The following OTUD7A variants were observed in gnomAD, a reference collection of about 807,000 sequenced individuals.
The protein encoded by OTUD7A is OTU deubiquitinase 7A.
OTUD7A carries 12 observed loss-of-function variants against 65.7 expected under a neutral mutation model. That is an observed-to-expected ratio of 0.18 (90% CI 0.12 to 0.30). The LOEUF (loss-of-function observed/expected upper bound fraction) is 0.30, where lower values mean the gene tolerates loss of function less well. Ranked by LOEUF, OTUD7A falls within the 10% of genes least tolerant of loss-of-function variation. OTUD7A has a pLI of 1.00. For missense variants in OTUD7A, 1,148 were observed against 1,304.8 expected (o/e 0.88, Z 1.85); for synonymous variants, 641 against 586.3 (o/e 1.09, Z -1.35).
intron 3 of OTUD7A, among the ~76,000 whole-genome samples, chr15:31,616,234 T>C (rs1476316277): frequency 6.6e-6 from 1 of 152,156 alleles, no homozygotes; most frequent in African/African-American, 2.4e-5. Context: ...TCCTTTGCTG[T>C]CTATGTAAGT....
chr15:31,813,360 G>A (rs1896469614), intron 1 of OTUD7A, among the ~76,000 whole-genome samples: 2 of 152,210 alleles, frequency 1.3e-5, no homozygotes, highest in Admixed American at 6.5e-5. Flanking sequence ...AGAAAAGGAA[G>A]TAATTATGTA....
chr15:31,785,595 C>T (rs976503615), intron 1 of OTUD7A, among the ~76,000 whole-genome samples: 1 of 152,076 alleles, frequency 6.6e-6, no homozygotes, highest in Non-Finnish European at 1.5e-5. Flanking sequence ...GATGGCAGTG[C>T]CCCCCAAAAC....
intron 1 of OTUD7A, among the ~76,000 whole-genome samples, chr15:31,731,882 TA>T (rs1375465175): frequency 6.6e-6 from 1 of 151,908 alleles, no homozygotes; most frequent in African/African-American, 2.4e-5. Context: ...TAAAGTGTAT[TA>T]AAAAAAGGGT....
At chr15:31,682,504 A>G (rs1353010891) in intron 1 of OTUD7A, among the ~76,000 whole-genome samples, 4 of 152,240 alleles carry the variant, frequency 2.6e-5, no homozygotes, top group Non-Finnish European at 5.9e-5. Flanking sequence ...CCTGTGGCCA[A>G]GACAGTATAG....
At chr15:31,497,911 C>A (rs984856177) in intron 10 of OTUD7A, among the ~76,000 whole-genome samples, 1 of 152,218 alleles carries the variant, frequency 6.6e-6, no homozygotes, top group African/African-American at 2.4e-5. Context: ...TAGAACAGCC[C>A]TTGAGCACAG....
intron 1 of OTUD7A, among the ~76,000 whole-genome samples, chr15:31,709,925 G>T (rs1595719300): frequency 6.6e-6 from 1 of 150,986 alleles, no homozygotes; most frequent in South Asian, 2.1e-4. Context: ...GGAATATATG[G>T]TCTAAGTCCT....
intron 1 of OTUD7A, among the ~76,000 whole-genome samples, chr15:31,814,555 G>C (rs1020683946): frequency 2.7e-5 from 4 of 149,756 alleles, no homozygotes; most frequent in African/African-American, 9.9e-5. Flanking sequence ...ACAGAGTCTC[G>C]CTTTGTTGCC....
intron 1 of OTUD7A, among the ~76,000 whole-genome samples, chr15:31,669,330 C>T (rs922912660): frequency 6.6e-6 from 1 of 152,274 alleles, no homozygotes; most frequent in East Asian, 1.9e-4. Flanking sequence ...GCTGAGGCTG[C>T]TGTGGGGGAT....
intron 1 of OTUD7A, among the ~76,000 whole-genome samples, chr15:31,697,866 C>T (rs1893120417): frequency 6.6e-6 from 1 of 152,200 alleles, no homozygotes; most frequent in South Asian, 2.1e-4. Flanking sequence ...GAGATGTGAA[C>T]AATGCTTTAT....
intron 1 of OTUD7A, among the ~76,000 whole-genome samples, chr15:31,790,331 T>C (rs1270348962): frequency 2.0e-5 from 3 of 152,216 alleles, no homozygotes; most frequent in Admixed American, 1.3e-4. Context: ...CTGATGCTGA[T>C]GCTGCAGGCC....
intron 1 of OTUD7A, among the ~76,000 whole-genome samples, chr15:31,799,671 C>A (rs1398225629): frequency 6.6e-6 from 1 of 152,214 alleles, no homozygotes; most frequent in African/African-American, 2.4e-5. Context: ...TTCCCAGCTT[C>A]CAGAACTGAC....
chr15:31,869,626 A>G (rs1305661767), intron 1 of OTUD7A, among the ~76,000 whole-genome samples: 1 of 152,056 alleles, frequency 6.6e-6, no homozygotes. Context: ...CCCTTCAGCT[A>G]CTCTTAAATC....
intron 3 of OTUD7A, among the ~76,000 whole-genome samples, chr15:31,622,689 C>G (rs1175766044): frequency 2.6e-5 from 4 of 152,166 alleles, no homozygotes; most frequent in Non-Finnish European, 4.4e-5. Flanking sequence ...AGGTTTTTAA[C>G]TTCTTTGTGA....
intron 1 of OTUD7A, chr15:31,767,118 AT>A (rs201437248): frequency 9.0e-5 from 138 of 1,526,386 alleles, no homozygotes; most frequent in East Asian, 5.9e-4. Flanking sequence ...ATTCTTCTTT[AT>A]TTTTTTTTCT....
chr15:31,789,672 G>A (rs921466887), intron 1 of OTUD7A, among the ~76,000 whole-genome samples: 4 of 151,700 alleles, frequency 2.6e-5, no homozygotes, highest in Non-Finnish European at 5.9e-5. Context: ...TACTGGGAGG[G>A]GCAGAGGTAG....
At chr15:31,681,097 T>C (rs1892703102) in intron 1 of OTUD7A, among the ~76,000 whole-genome samples, 1 of 150,808 alleles carries the variant, frequency 6.6e-6, no homozygotes, top group Non-Finnish European at 1.5e-5. Flanking sequence ...CCCACCTACC[T>C]ACCTACCTAT....
intron 1 of OTUD7A, among the ~76,000 whole-genome samples, chr15:31,698,512 C>A (rs898753178): frequency 3.3e-5 from 5 of 152,194 alleles, no homozygotes; most frequent in African/African-American, 7.2e-5. Context: ...TCCACCTAGA[C>A]CTGCTGAGTT....
At chr15:31,745,757 T>C (rs1182846819) in intron 1 of OTUD7A, among the ~76,000 whole-genome samples, 1 of 151,964 alleles carries the variant, frequency 6.6e-6, no homozygotes, top group Non-Finnish European at 1.5e-5. Flanking sequence ...AATCCCCAAA[T>C]GAGAAAAAAA....
At chr15:31,811,768 C>T (rs948419341) in intron 1 of OTUD7A, among the ~76,000 whole-genome samples, 2 of 152,166 alleles carry the variant, frequency 1.3e-5, no homozygotes, top group Admixed American at 6.5e-5. Flanking sequence ...CGCCCAGTGC[C>T]GCCAGCTGGC....
Sources: allele counts gnomAD v4.1 joint callset (sites outside exome capture counted in the v4.1 genomes callset), GRCh38; gene constraint gnomAD v4.1.1; transcripts MANE v1.5; gene names NCBI Gene and HGNC (gene_info 2026-07-23, HGNC 2026-07-21).